Variants in ULK2 observed in about 807,000 individuals in gnomAD.
The protein encoded by ULK2 is serine/threonine-protein kinase ULK2.
Under a neutral mutation model 127.5 loss-of-function variants are expected in ULK2, and 76 were observed. That is an observed-to-expected ratio of 0.60 (90% CI 0.50 to 0.72). The LOEUF (loss-of-function observed/expected upper bound fraction) is 0.72, where lower values mean the gene tolerates loss of function less well. Among genes scored for constraint, ULK2 ranks in the 30% least tolerant of loss-of-function variants. The pLI is 0.00. For missense variants in ULK2, 1,144 were observed against 1,295.9 expected (o/e 0.88, Z 1.80); for synonymous variants, 452 against 461.9 (o/e 0.98, Z 0.28).
intron 9 of ULK2, chr17:19,840,649 G>A (rs545726445): frequency 4.5e-5 from 8 of 178,522 alleles, no homozygotes; most frequent in African/African-American, 1.2e-4. Flanking sequence ...GGATGAGGCG[G>A]GGGGATCACT....
intron 20 of ULK2, among the ~76,000 whole-genome samples, chr17:19,788,841 T>C (rs1014364893): frequency 6.6e-6 from 1 of 152,164 alleles, no homozygotes; most frequent in Non-Finnish European, 1.5e-5. Context: ...GCCACAGGGA[T>C]AGGTTCCTCT....
intron 10 of ULK2, among the ~76,000 whole-genome samples, chr17:19,828,861 G>A (rs2041359538): frequency 6.6e-6 from 1 of 152,164 alleles, no homozygotes; most frequent in Non-Finnish European, 1.5e-5. Context: ...TCTAATCCCA[G>A]GCAGATCTCT....
chr17:19,845,420 G>T, intron 6 of ULK2, 43 bp from the exon 7 acceptor site: 3 of 1,406,454 alleles, frequency 2.1e-6, no homozygotes, highest in African/African-American at 1.4e-5. Flanking sequence ...TTACGTCTTC[G>T]CTCATACCTA....
chr17:19,852,793 G>A (rs2042046613), intron 3 of ULK2, among the ~76,000 whole-genome samples: 1 of 151,418 alleles, frequency 6.6e-6, no homozygotes, highest in Non-Finnish European at 1.5e-5. Flanking sequence ...ACCACACCTG[G>A]CTAGTTTTTT....
intron 14 of ULK2, among the ~76,000 whole-genome samples, chr17:19,808,560 A>G (rs1456088766): frequency 6.6e-6 from 1 of 152,230 alleles, no homozygotes; most frequent in Non-Finnish European, 1.5e-5. Context: ...ATATACAGAG[A>G]ACTCTTACAA....
At chr17:19,849,478 G>T in intron 4 of ULK2, 73 bp from the exon 5 acceptor site, 1 of 1,403,612 alleles carries the variant, frequency 7.1e-7, no homozygotes, top group South Asian at 1.3e-5. Context: ...TCTCAATTGT[G>T]ATTAAAAAAT....
intron 8 of ULK2, among the ~76,000 whole-genome samples, chr17:19,842,023 T>C (rs2041770368): frequency 6.6e-6 from 1 of 151,954 alleles, no homozygotes. Context: ...CTTAGGACCC[T>C]AAAGGAATTC....
rs1323890047 is a variant in ULK2, at chr17:19,784,593, A to AGG, written c.2252-689_2252-688insCC. On this transcript the variant is annotated intron_variant, in intron 21 of 26. Coordinates refer to ENST00000395544, the MANE Select transcript of ULK2 (RefSeq NM_014683.4). ...GGCTGAATTGCAGTGGCGTGATCAC[A>AGG]GCTCACTGCAGCCTTGATTTTCTGG... 2.3e-5 allele frequency among the ~76,000 whole-genome samples: 3 copies of AGG among 130,920 alleles called. No homozygotes were observed. The East Asian group carries it at 6.9e-4, about 30-fold the overall frequency. 85.9% of individuals were successfully genotyped at this position (130,920 alleles called of 152,430 possible). A position where few individuals can be genotyped will look rare whatever the true frequency, so the allele number is the denominator to read the frequency against.
intron 10 of ULK2, among the ~76,000 whole-genome samples, chr17:19,833,367 A>ATT (rs71157838): frequency 8.3e-4 from 123 of 148,878 alleles, no homozygotes; most frequent in Non-Finnish European, 8.5e-4. Context: ...TTATAAACAA[A>ATT]TTTTTTTTTT....
Position 19,801,877 on chromosome 17 carries a change from G to A in ULK2, c.1341C>T (p.Leu447=), listed in dbSNP as rs775177003. The A allele has an allele frequency of 2.5e-6, 4 of 1,614,038 alleles. No individual in the cohort carries two copies. In the Admixed American group the frequency reaches 6.7e-5, roughly 27 times the overall value. ...GTACTGGGGAGCATGATCCCGGCCG[G>A]AGGAAGCCCATGGGGCTGGTGTTGG... ...RRSNTSPMGF[L]RPGSCSPVPA... is the part of the protein sequence containing the mutation. The change falls in exon 16 of 27, where the codon CTC becomes CTT. Residue 447 remains leucine (L), a synonymous_variant. Transcript: ENST00000395544.
chr17:19,783,668 C>G (rs780527937), intron 22 of ULK2, 29 bp downstream of exon 22: 11 of 1,404,314 alleles, frequency 7.8e-6, no homozygotes, highest in Non-Finnish European at 9.4e-6. Flanking sequence ...ATCAACATTA[C>G]ATTCACACCA....
intron 12 of ULK2, among the ~76,000 whole-genome samples, chr17:19,823,462 C>T (rs1401889259): frequency 1.3e-5 from 2 of 152,110 alleles, no homozygotes; most frequent in Non-Finnish European, 2.9e-5. Flanking sequence ...CACACTATCA[C>T]CCCACAGGCT....
chr17:19,851,266 G>T (rs1343814982), intron 3 of ULK2, among the ~76,000 whole-genome samples: 1 of 145,200 alleles, frequency 6.9e-6, no homozygotes, highest in Non-Finnish European at 1.5e-5. Flanking sequence ...GGCAGAAGTT[G>T]CAGTGAGCCA....
intron 12 of ULK2, among the ~76,000 whole-genome samples, chr17:19,824,262 T>C (rs1030898501): frequency 2.0e-5 from 3 of 151,788 alleles, no homozygotes; most frequent in Non-Finnish European, 2.9e-5. Flanking sequence ...CTGGCCAACA[T>C]AGTGAAACCC....
intron 3 of ULK2, among the ~76,000 whole-genome samples, chr17:19,859,537 T>C (rs1256448964): frequency 2.0e-5 from 3 of 152,172 alleles, no homozygotes; most frequent in East Asian, 3.8e-4. Context: ...ATAGCTAATA[T>C]CTTTGACCAA....
In ULK2 at chr17:19,810,400, T is replaced by C. The variant is rs746803960; in HGVS notation, c.1135A>G (p.Asn379Asp). 2 of 1,608,156 alleles carry C rather than the reference T, an allele frequency of 1.2e-6. No homozygotes were observed. Among genetic ancestry groups the C allele is most frequent in the African/African-American group, 2.7e-5 (2 of 74,724 alleles). The change falls in exon 14 of 27, where the codon AAT (asparagine) becomes GAT (aspartate). Residue 379 changes from asparagine (N) to aspartate (D), a missense_variant. Coordinates refer to ENST00000395544, the MANE Select transcript of ULK2 (RefSeq NM_014683.4). ...PVGTAGRRAS[N>D]EFLVCGGQCQ... ...TACCCTCCACACACCAAGAATTCATTTGAAGCACGTCTGCCAGCAGTCCCC... is the reference window on the plus strand; with the variant it reads ...TACCCTCCACACACCAAGAATTCATCTGAAGCACGTCTGCCAGCAGTCCCC...
intron 12 of ULK2, among the ~76,000 whole-genome samples, chr17:19,818,039 A>T (rs964834155): frequency 3.3e-5 from 5 of 152,004 alleles, no homozygotes; most frequent in Non-Finnish European, 4.4e-5. Flanking sequence ...CACGGCTCAC[A>T]CCTGTAATTC....
intron 20 of ULK2, among the ~76,000 whole-genome samples, chr17:19,790,220 T>C (rs2087123026): frequency 6.6e-6 from 1 of 152,072 alleles, no homozygotes; most frequent in Non-Finnish European, 1.5e-5. Context: ...AGTTCGAGAC[T>C]ATCCTGGCCA....
chr17:19,836,195 G>A (rs1230426972), intron 10 of ULK2, among the ~76,000 whole-genome samples: 1 of 151,840 alleles, frequency 6.6e-6, no homozygotes, highest in Non-Finnish European at 1.5e-5. Flanking sequence ...TGGATTATGA[G>A]GTCAGGAGTT....
Sources: gnomAD v4.1 joint callset for allele counts (sites outside exome capture counted in the v4.1 genomes callset) on GRCh38, gnomAD v4.1.1 for gene constraint, MANE v1.5 for transcripts, NCBI Gene and HGNC (gene_info 2026-07-23, HGNC 2026-07-21) for gene names.